The following SLC26A8 variants were observed in gnomAD, a reference collection of about 807,000 sequenced individuals.
SLC26A8 encodes solute carrier family 26 member 8, also known as testis anion transporter 1.
In SLC26A8, 70 loss-of-function variants were observed where a neutral mutation model predicts 105.0. The observed-to-expected ratio is 0.67, with a 90% CI of 0.55 to 0.81. The LOEUF is 0.81. Ranked by LOEUF, SLC26A8 falls within the 40% of genes least tolerant of loss-of-function variation. The pLI is 0.00. For missense variants in SLC26A8, 998 were observed against 1,181.8 expected, an observed-to-expected ratio of 0.84 and a Z score of 2.28; for synonymous variants, 415 against 438.3, an observed-to-expected ratio of 0.95 and a Z score of 0.66.
chr6:35,987,606 C>T (rs1274346649), intron 7 of SLC26A8, among the ~76,000 whole-genome samples: 1 of 152,126 alleles, frequency 6.6e-6, no homozygotes, highest in Non-Finnish European at 1.5e-5. Flanking sequence ...CTCCTGACCT[C>T]GTGATCCACC....
chr6:35,954,374 C>T (rs760337534), intron 17 of SLC26A8, among the ~76,000 whole-genome samples: 4 of 152,182 alleles, frequency 2.6e-5, no homozygotes, highest in East Asian at 1.9e-4. Flanking sequence ...TTCATCCCAA[C>T]GTCTTCAAAC....
intron 7 of SLC26A8, among the ~76,000 whole-genome samples, chr6:35,985,718 A>AGG (rs1773488769): frequency 6.7e-6 from 1 of 149,150 alleles, no homozygotes; most frequent in South Asian, 2.1e-4. Context: ...AAAAAAAAAA[A>AGG]AAAGAGGGCT....
intron 16 of SLC26A8, among the ~76,000 whole-genome samples, chr6:35,956,652 G>A (rs141164838): frequency 6.6e-6 from 1 of 152,084 alleles, no homozygotes; most frequent in Non-Finnish European, 1.5e-5. Flanking sequence ...AGGCATGGTG[G>A]CTCACACCTG....
chr6:35,992,468 G>T, intron 6 of SLC26A8, 42 bp downstream of exon 6: 1 of 1,578,502 alleles, frequency 6.3e-7, no homozygotes, highest in Non-Finnish European at 8.6e-7. Flanking sequence ...GAGGCAAGAG[G>T]AGTGGCATTT....
chr6:35,974,790 G>A, intron 10 of SLC26A8, among the ~76,000 whole-genome samples: 1 of 152,172 alleles, frequency 6.6e-6, no homozygotes, highest in Middle Eastern at 3.2e-3. Context: ...AGGCTGGAGT[G>A]CAGTGGCACC....
chr6:36,006,540 T>G (rs1761691800), intron 3 of SLC26A8, among the ~76,000 whole-genome samples: 1 of 152,218 alleles, frequency 6.6e-6, no homozygotes, highest in Non-Finnish European at 1.5e-5. Context: ...TACTGATGAC[T>G]TTTTAATTTA....
intron 11 of SLC26A8, among the ~76,000 whole-genome samples, chr6:35,968,609 G>GTATATATATATA (rs55987809): frequency 1.2e-4 from 7 of 60,082 alleles, no homozygotes; most frequent in East Asian, 7.2e-4. Flanking sequence ...GTGTGTGTGT[G>GTATATATATATA]TATATATATA....
chr6:36,012,373 C>T lies in SLC26A8; in HGVS notation c.189-1G>A. The T allele has an allele frequency of 1.3e-6, 2 of 1,570,130 alleles. No homozygotes were observed. The highest frequency in any genetic ancestry group is 8.6e-7 in the Non-Finnish European group (1 of 1,164,382). Reference sequence around the variant, plus strand: ...TCGTAGGAACCTGTGCCATGAGCAGCTGTGAGAGAGAGGAGCAGAGACTTG... The same window carrying T: ...TCGTAGGAACCTGTGCCATGAGCAGTTGTGAGAGAGAGGAGCAGAGACTTG... On this transcript the variant is annotated splice_acceptor_variant, in intron 2 of 19. Transcript: ENST00000490799. LOFTEE classifies it high-confidence loss of function.
At chr6:35,991,094 C>A (rs11965835) in intron 7 of SLC26A8, among the ~76,000 whole-genome samples, 1 of 151,822 alleles carries the variant, frequency 6.6e-6, no homozygotes, top group Non-Finnish European at 1.5e-5. Context: ...GGCTGCAAGG[C>A]GAAAACAATT....
At chr6:35,984,331 T>C (rs1773403919) in intron 7 of SLC26A8, among the ~76,000 whole-genome samples, 1 of 147,334 alleles carries the variant, frequency 6.8e-6, no homozygotes, top group East Asian at 2.0e-4. Flanking sequence ...TTTTTTTTTT[T>C]TTTTTTTTGA....
chr6:36,012,177 C>A, intron 3 of SLC26A8, 56 bp downstream of exon 3: 2 of 1,576,222 alleles, frequency 1.3e-6, no homozygotes, highest in Admixed American at 2.1e-5. Context: ...ACCCTGGGCA[C>A]GTGGACAAGG....
At chr6:36,001,121 G>A (rs1285664984) in intron 3 of SLC26A8, among the ~76,000 whole-genome samples, 1 of 151,980 alleles carries the variant, frequency 6.6e-6, no homozygotes, top group African/African-American at 2.4e-5. Flanking sequence ...ACAATGGCCA[G>A]TTGGTATTCT....
intron 3 of SLC26A8, among the ~76,000 whole-genome samples, chr6:36,006,624 C>T (rs1346931210): frequency 6.6e-6 from 1 of 152,106 alleles, no homozygotes; most frequent in African/African-American, 2.4e-5. Flanking sequence ...ATAGTTAAAG[C>T]ATCAATTCCA....
intron 6 of SLC26A8, 63 bp from the exon 7 acceptor site, chr6:35,991,871 T>C (rs2127348780): frequency 1.4e-6 from 2 of 1,457,370 alleles, no homozygotes; most frequent in Non-Finnish European, 1.8e-6. Context: ...AGTCTAGAAA[T>C]TGACACTGTA....
In SLC26A8 at chr6:35,977,313, G is replaced by C. The variant is rs1159731037; in HGVS notation, c.1064C>G (p.Pro355Arg). The C allele has an allele frequency of 1.2e-6, 2 of 1,614,010 alleles. No individual in the cohort carries two copies. The highest frequency in any genetic ancestry group is 1.1e-5 in the South Asian group (1 of 91,050). ...LPVTPDFSLLPKIILQAFSLS... is the reference protein window; with the variant it reads ...LPVTPDFSLLRKIILQAFSLS... ...GGAGAAGGCTTGTAAAATTATCTTG[G>C]GAAGAAGGCTGAAATCTGGTGTTAC... The change falls in exon 9 of 20, where the codon CCC (proline) becomes CGC (arginine). Residue 355 changes from proline (P) to arginine (R), a missense_variant. Transcript: ENST00000490799.
chr6:35,974,343 A>G (rs1772914491), intron 10 of SLC26A8, among the ~76,000 whole-genome samples: 2 of 152,204 alleles, frequency 1.3e-5, no homozygotes, highest in South Asian at 4.2e-4. Context: ...ACAAAAAACA[A>G]AACTCATGAA....
At chr6:35,978,505 C>A (rs1482603489) in intron 8 of SLC26A8, among the ~76,000 whole-genome samples, 1 of 152,010 alleles carries the variant, frequency 6.6e-6, no homozygotes, top group Non-Finnish European at 1.5e-5. Flanking sequence ...CTATTTGAAA[C>A]GCTTATTCAT....
intron 7 of SLC26A8, among the ~76,000 whole-genome samples, chr6:35,983,172 A>G (rs1019169471): frequency 6.6e-6 from 1 of 152,210 alleles, no homozygotes; most frequent in Non-Finnish European, 1.5e-5. Flanking sequence ...TATCAGATGA[A>G]GACCCCTAGG....
At chr6:35,980,550 T>C (rs773813575) in intron 8 of SLC26A8, among the ~76,000 whole-genome samples, 13 of 152,342 alleles carry the variant, frequency 8.5e-5, no homozygotes, top group Middle Eastern at 3.4e-3. Flanking sequence ...TATTATTTTT[T>C]TTCCTGAGGA....
Sources: allele counts gnomAD v4.1 joint callset (sites outside exome capture counted in the v4.1 genomes callset), GRCh38; gene constraint gnomAD v4.1.1; transcripts MANE v1.5; gene names NCBI Gene and HGNC (gene_info 2026-07-23, HGNC 2026-07-21).